NRP2: variants seen among roughly 807,000 people sequenced by gnomAD.
The protein encoded by NRP2 is neuropilin-2.
In NRP2, 52 loss-of-function variants were observed where a neutral mutation model predicts 110.4. The ratio of observed to expected loss-of-function variants is 0.47; its 90% confidence interval spans 0.38 to 0.59. NRP2 has a LOEUF of 0.59. NRP2 is among the 20% of genes least tolerant of loss of function. The pLI, the probability that NRP2 is intolerant of heterozygous loss-of-function variation, is 0.00. For synonymous variants in NRP2, 508 were observed against 468.9 expected (o/e 1.08, Z -1.08); for missense variants, 1,049 against 1,203.0 (o/e 0.87, Z 1.89).
intron 12 of NRP2, among the ~76,000 whole-genome samples, 159 bp downstream of exon 12, chr2:205,753,134 C>T (rs1175703418): frequency 1.3e-5 from 2 of 152,210 alleles, no homozygotes; most frequent in African/African-American, 2.4e-5. Flanking sequence ...GACGTCACCT[C>T]AAAGAATAGC....
chr2:205,745,400 TC>T (rs748455150), intron 9 of NRP2, among the ~76,000 whole-genome samples: 2 of 152,012 alleles, frequency 1.3e-5, no homozygotes, highest in Non-Finnish European at 2.9e-5. Context: ...CAAACTGCCT[TC>T]CCCCCTCTCT....
chr2:205,729,224 T>C (rs76990744), intron 7 of NRP2, among the ~76,000 whole-genome samples: 2,489 of 152,238 alleles, frequency 0.016, 68 homozygotes, highest in African/African-American at 0.056. Context: ...AAAATCAAAA[T>C]CACCATAGTA....
At chr2:205,713,838 G>A (rs1057456602) in intron 2 of NRP2, among the ~76,000 whole-genome samples, 6 of 152,074 alleles carry the variant, frequency 3.9e-5, no homozygotes, top group African/African-American at 1.2e-4. Flanking sequence ...AGATGCATAT[G>A]CATCTTTGCA....
At chr2:205,794,732 T>C (rs1444837914) in intron 16 of NRP2, 22 bp from the exon 17 acceptor site, 1 of 1,613,844 alleles carries the variant, frequency 6.2e-7, no homozygotes, top group South Asian at 1.1e-5. Flanking sequence ...CTGCAATCTC[T>C]CATGAATTTT....
chr2:205,763,565 A>G lies in NRP2; in HGVS notation c.2045-109A>G. On this transcript the variant is annotated intron_variant, in intron 12 of 16. Transcript: ENST00000357785. This position sits in a 1 kb window ranked among gnomAD's most constrained non-coding sequence, Gnocchi z 4.0. ...TGGAGAACAAGGACATGAATAAACC[A>G]AAGACACCGAAACTCAGTCCCAACT... 7.0e-7 allele frequency: 1 copy of G among 1,436,776 alleles called. No homozygotes were observed. The allele number at this position is 1,436,776 out of a possible 1,614,324, so 89.0% of individuals were successfully genotyped here.
chr2:205,740,791 T>C (rs1258545629), intron 8 of NRP2, 128 bp downstream of exon 8: 6 of 1,036,596 alleles, frequency 5.8e-6, no homozygotes, highest in African/African-American at 1.6e-5. Context: ...AGGACTCAAG[T>C]CCTACCAGAG....
At position 205,723,941 on chromosome 2, in the gene NRP2, G is replaced by A; in HGVS notation, c.820+1G>A. 1 of 1,614,036 alleles carries A rather than the reference G, an allele frequency of 6.2e-7. No individual in the cohort carries two copies. The highest frequency in any genetic ancestry group is 8.5e-7 in the Non-Finnish European group (1 of 1,179,962). ...CTGGTCCACCAAGAGCCACTAGAGA[G>A]TGAGTTGGCCGATTGGGAACCTCTG... On this transcript the variant is annotated splice_donor_variant, in intron 5 of 16. Coordinates refer to ENST00000357785, the MANE Select transcript of NRP2 (RefSeq NM_003872.3). LOFTEE classifies it high-confidence loss of function.
intron 15 of NRP2, among the ~76,000 whole-genome samples, chr2:205,783,656 T>G (rs2105961922): frequency 6.6e-6 from 1 of 152,302 alleles, no homozygotes; most frequent in Non-Finnish European, 1.5e-5. Flanking sequence ...GGTGGTTTTC[T>G]AGTGGGATGT....
chr2:205,753,940 G>A (rs2057693242), intron 12 of NRP2, among the ~76,000 whole-genome samples: 1 of 152,168 alleles, frequency 6.6e-6, no homozygotes, highest in Admixed American at 6.5e-5. Flanking sequence ...ACTAGCAAGT[G>A]TTGAGTTTTG....
At chr2:205,726,128 TG>T (rs1439282655) in intron 6 of NRP2, 46 bp downstream of exon 6, 2 of 1,602,394 alleles carry the variant, frequency 1.2e-6, no homozygotes, top group Non-Finnish European at 1.7e-6. Flanking sequence ...TATGTATTGC[TG>T]GGGTAGGAGG....
chr2:205,776,948 ATGTGTGTGTGTGAATAGCTCTCTG>A, intron 15 of NRP2: 1 of 1,139,958 alleles, frequency 8.8e-7, no homozygotes, highest in Admixed American at 4.2e-5. Context: ...CATAGTAGAC[ATGTGTGTGTGTGAATAGCTCTCTG>A]TGTGTGGGTG....
rs555861424 is a variant in NRP2, at chr2:205,774,112, T to A, written c.2425+7309T>A. Among the ~76,000 whole-genome samples, 12 of 152,298 alleles carry A rather than the reference T, an allele frequency of 7.9e-5. No individual in the cohort carries two copies. The East Asian group carries it at 1.9e-3, about 25-fold the overall frequency. On this transcript the variant is annotated intron_variant, in intron 15 of 16. Transcript: ENST00000357785. ...TAACACTTTGATGTTTCCTGTGCAT[T>A]TTTGTAAGCTCATATCGAAAATCCA...
At chr2:205,776,129 C>A (rs1296295823) in intron 15 of NRP2, 2 of 1,034,184 alleles carry the variant, frequency 1.9e-6, no homozygotes, top group East Asian at 2.4e-5. Flanking sequence ...CTTAGTCCCC[C>A]AGACCCTTCC....
intron 14 of NRP2, chr2:205,765,810 A>G: frequency 1.6e-6 from 1 of 634,328 alleles, no homozygotes; most frequent in Non-Finnish European, 3.0e-6. Context: ...GACATGCACT[A>G]AGTACATAGA....
In NRP2 at chr2:205,725,983, T is replaced by C. The variant is rs2057120099; in HGVS notation, c.891T>C (p.Ser297=). The C allele has an allele frequency of 6.2e-7, 1 of 1,614,124 alleles. No individual in the cohort carries two copies. Among genetic ancestry groups the C allele is most frequent in the Non-Finnish European group, 8.5e-7 (1 of 1,179,966 alleles). The stretch of plus-strand genomic sequence containing the variant: ...CTAATGAACAGATCAGTGCCTCATC[T>C]ACCTACTCTGATGGGAGGTGGACCC... ...RIANEQISAS[S]TYSDGRWTPQ... The change falls in exon 6 of 17, where the codon TCT becomes TCC. Residue 297 remains serine, a synonymous_variant. Transcript: ENST00000357785. The surrounding 1 kb of genome is among the most constrained non-coding windows in gnomAD (Gnocchi z 4.1).
chr2:205,698,207 GAA>G, intron 2 of NRP2, among the ~76,000 whole-genome samples: 1 of 126,868 alleles, frequency 7.9e-6, no homozygotes, highest in East Asian at 2.3e-4. Flanking sequence ...TTTTCTTATA[GAA>G]AAAAAAAAGG....
intron 15 of NRP2, among the ~76,000 whole-genome samples, chr2:205,780,594 C>T (rs929309051): frequency 8.5e-5 from 13 of 152,186 alleles, no homozygotes; most frequent in Admixed American, 7.2e-4. Flanking sequence ...TTCCCACCAA[C>T]CCCATTCATG....
intron 3 of NRP2, among the ~76,000 whole-genome samples, chr2:205,717,843 C>T (rs929114577): frequency 6.6e-6 from 1 of 152,190 alleles, no homozygotes; most frequent in African/African-American, 2.4e-5. Flanking sequence ...TTGCTCTCTT[C>T]GGGTTGGAGA....
In NRP2 at chr2:205,683,199, C is replaced by T. The variant is rs2056052996; in HGVS notation, c.-92C>T. 3 of 915,966 alleles carry T rather than the reference C, an allele frequency of 3.3e-6. No individual in the cohort carries two copies. Among genetic ancestry groups the T allele is most frequent in the Admixed American group, 4.0e-5 (2 of 50,234 alleles). 56.7% of individuals were successfully genotyped at this position (915,966 alleles called of 1,614,324 possible). On this transcript the variant is annotated 5_prime_UTR_variant, in exon 1 of 17. In the 5' UTR this introduces an upstream ATG that the reference lacks. Transcript: ENST00000357785. ...GACCATTAGAAACCTCTGCATAAGA[C>T]GTTGTAAGGAGGAAAATAAAAGAGA...
Sources: allele counts gnomAD v4.1 joint callset (sites outside exome capture counted in the v4.1 genomes callset), GRCh38; gene constraint gnomAD v4.1.1; non-coding constraint Gnocchi (gnomAD v3.1); transcripts MANE v1.5; gene names NCBI Gene and HGNC (gene_info 2026-07-23, HGNC 2026-07-21).